The following ZMAT4 variants were observed in gnomAD, a reference collection of about 807,000 sequenced individuals.
The protein encoded by ZMAT4 is zinc finger matrin-type 4.
A neutral mutation model predicts 28.7 loss-of-function variants in ZMAT4; 17 were observed. That is an observed-to-expected ratio of 0.59 (90% CI 0.41 to 0.89). The LOEUF (loss-of-function observed/expected upper bound fraction) is 0.89. Ranked by LOEUF, ZMAT4 falls within the 40% of genes least tolerant of loss-of-function variation. The pLI, the probability that ZMAT4 is intolerant of heterozygous loss-of-function variation, is 0.00. For missense variants in ZMAT4, 240 were observed against 283.8 expected (o/e 0.85, Z 1.11); for synonymous variants, 117 against 109.2 (o/e 1.07, Z -0.44).
At chr8:40,568,224 G>T (rs1227264696) in intron 6 of ZMAT4, among the ~76,000 whole-genome samples, 1 of 152,078 alleles carries the variant, frequency 6.6e-6, no homozygotes, top group Non-Finnish European at 1.5e-5. Flanking sequence ...AGAGGAAGTG[G>T]GAGTCTGAGT....
intron 1 of ZMAT4, among the ~76,000 whole-genome samples, chr8:40,868,859 G>A (rs1282434852): frequency 6.6e-6 from 1 of 152,172 alleles, no homozygotes; most frequent in African/African-American, 2.4e-5. Flanking sequence ...AGTTCATACT[G>A]CACACCCCCG....
intron 3 of ZMAT4, among the ~76,000 whole-genome samples, chr8:40,738,298 G>A: frequency 6.6e-6 from 1 of 152,140 alleles, no homozygotes; most frequent in Non-Finnish European, 1.5e-5. Context: ...TGCTTTGTTT[G>A]GGAAGCTGGA....
chr8:40,685,641 A>C (rs1809369890), intron 4 of ZMAT4, among the ~76,000 whole-genome samples: 1 of 152,070 alleles, frequency 6.6e-6, no homozygotes, highest in Admixed American at 6.5e-5. Context: ...ATTAATAGCC[A>C]GTGAGGATGT....
chr8:40,628,842 T>A (rs1806468126), intron 5 of ZMAT4, among the ~76,000 whole-genome samples: 1 of 152,060 alleles, frequency 6.6e-6, no homozygotes, highest in Non-Finnish European at 1.5e-5. Context: ...TAGAGAAAAA[T>A]GCCAACATAG....
intron 5 of ZMAT4, among the ~76,000 whole-genome samples, chr8:40,663,980 A>G (rs1808302466): frequency 6.6e-6 from 1 of 152,336 alleles, no homozygotes; most frequent in East Asian, 1.9e-4. Flanking sequence ...GTACTTGAAA[A>G]TGTTGAATCA....
At chr8:40,804,687 CA>C (rs994733081) in intron 2 of ZMAT4, among the ~76,000 whole-genome samples, 3 of 151,772 alleles carry the variant, frequency 2.0e-5, no homozygotes, top group Non-Finnish European at 4.4e-5. Context: ...GCTAAAAATA[CA>C]AAATTAGCTG....
chr8:40,734,542 G>C (rs1811679518), intron 3 of ZMAT4, among the ~76,000 whole-genome samples: 1 of 152,026 alleles, frequency 6.6e-6, no homozygotes, highest in African/African-American at 2.4e-5. Context: ...CAACCGAGCG[G>C]AGAGAGAGAG....
intron 1 of ZMAT4, among the ~76,000 whole-genome samples, chr8:40,894,468 G>A (rs1168699166): frequency 6.6e-6 from 1 of 152,078 alleles, no homozygotes; most frequent in Non-Finnish European, 1.5e-5. Context: ...GGAAAGAGAG[G>A]TAACCCTACA....
chr8:40,621,889 T>C (rs551655152), intron 5 of ZMAT4, among the ~76,000 whole-genome samples: 1 of 152,332 alleles, frequency 6.6e-6, no homozygotes, highest in Admixed American at 6.5e-5. Flanking sequence ...CTTACCCACC[T>C]ATGGTTTTCC....
intron 3 of ZMAT4, among the ~76,000 whole-genome samples, chr8:40,756,383 C>T (rs1812680445): frequency 7.2e-6 from 1 of 138,620 alleles, no homozygotes; most frequent in African/African-American, 2.7e-5. Flanking sequence ...TATAAATGCA[C>T]ACATGTTTTC....
intron 6 of ZMAT4, among the ~76,000 whole-genome samples, chr8:40,568,263 A>T (rs1177216012): frequency 1.3e-5 from 2 of 152,092 alleles, no homozygotes; most frequent in African/African-American, 4.8e-5. Context: ...GGCCACATAT[A>T]ATTGAGAGCA....
chr8:40,758,440 A>G (rs1812785974), intron 3 of ZMAT4, among the ~76,000 whole-genome samples: 1 of 152,190 alleles, frequency 6.6e-6, no homozygotes, highest in South Asian at 2.1e-4. Flanking sequence ...CCTTTCAAAA[A>G]ATAAACAGAG....
intron 2 of ZMAT4, chr8:40,786,782 C>T (rs1374232718): frequency 7.9e-7 from 1 of 1,273,164 alleles, no homozygotes; most frequent in Admixed American, 2.3e-5. Flanking sequence ...AATTCTGGAC[C>T]CTAGGATAGA....
intron 3 of ZMAT4, among the ~76,000 whole-genome samples, chr8:40,698,673 T>C (rs1302461057): frequency 1.3e-5 from 2 of 152,214 alleles, no homozygotes; most frequent in Admixed American, 6.5e-5. Flanking sequence ...AGAGAGAGTG[T>C]TGCCTTGCAA....
chr8:40,843,966 AGTGCACC>A (rs1801996281), intron 1 of ZMAT4, among the ~76,000 whole-genome samples: 1 of 152,150 alleles, frequency 6.6e-6, no homozygotes, highest in African/African-American at 2.4e-5. Context: ...CTATGTACAC[AGTGCACC>A]TAGAAAACGG....
chr8:40,887,665 C>T (rs1262132935), intron 1 of ZMAT4, among the ~76,000 whole-genome samples: 4 of 152,210 alleles, frequency 2.6e-5, no homozygotes, highest in East Asian at 1.9e-4. Context: ...CCTGCAACCC[C>T]GCAGAGCAAT....
chr8:40,693,274 G>A (rs1338583724), intron 4 of ZMAT4, among the ~76,000 whole-genome samples: 2 of 152,014 alleles, frequency 1.3e-5, no homozygotes, highest in Non-Finnish European at 2.9e-5. Context: ...GTGCCATCAT[G>A]CCTGGCTAAT....
chr8:40,597,257 A>G (rs1805137382), intron 5 of ZMAT4, among the ~76,000 whole-genome samples: 1 of 152,232 alleles, frequency 6.6e-6, no homozygotes, highest in Non-Finnish European at 1.5e-5. Flanking sequence ...CTTGCAGGCC[A>G]CTTGATGACT....
chr8:40,704,165 A>G (rs1810258631), intron 3 of ZMAT4, among the ~76,000 whole-genome samples: 1 of 152,234 alleles, frequency 6.6e-6, no homozygotes, highest in Non-Finnish European at 1.5e-5. Flanking sequence ...AAACGCCACT[A>G]TTTCCAGTGT....
Sources: allele counts gnomAD v4.1 joint callset (sites outside exome capture counted in the v4.1 genomes callset), GRCh38; gene constraint gnomAD v4.1.1; transcripts MANE v1.5; gene names NCBI Gene and HGNC (gene_info 2026-07-23, HGNC 2026-07-21).